Variants in DCXR observed in about 807,000 individuals in gnomAD.
The protein encoded by DCXR is L-xylulose reductase.
A neutral mutation model predicts 25.9 loss-of-function variants in DCXR; 24 were observed. That is an observed-to-expected ratio of 0.93 (90% CI 0.67 to 1.30). The LOEUF is 1.30. DCXR is among the 50% of genes most tolerant of loss of function. The pLI is 0.00. For synonymous variants in DCXR, 161 were observed against 141.7 expected, an observed-to-expected ratio of 1.14 and a Z score of -0.97; for missense variants, 348 against 333.7, an observed-to-expected ratio of 1.04 and a Z score of -0.33.
In DCXR at chr17:82,036,028, G is replaced by T; in HGVS notation, c.667C>A (p.Leu223Met). 6.2e-7 allele frequency: 1 copy of T among 1,613,380 alleles called. No individual in the cohort carries two copies. ...GTGGTCATGCCACTTCGGTCACTCAGCAGAAAGAGGATGGCGTTCACCACG... is the reference window on the plus strand; with the variant it reads ...GTGGTCATGCCACTTCGGTCACTCATCAGAAAGAGGATGGCGTTCACCACG... ...EHVVNAILFLLSDRSGMTTGS... is the reference protein window; with the variant it reads ...EHVVNAILFLMSDRSGMTTGS... Residue 223 changes from leucine to methionine, a missense_variant, in exon 8 of 8, where the codon CTG (leucine) becomes ATG (methionine). Physicochemically the swap from Leu to Met is conservative, Grantham distance 15. Coordinates refer to ENST00000306869, the MANE Select transcript of DCXR (RefSeq NM_016286.4).
intron 2 of DCXR, 171 bp from the exon 3 acceptor site, chr17:82,037,184 C>A: frequency 1.1e-6 from 1 of 923,020 alleles, no homozygotes; most frequent in Non-Finnish European, 1.6e-6. Context: ...TCACTTCCTC[C>A]CTGCGCCCGA....
intron 2 of DCXR, 37 bp from the exon 3 acceptor site, chr17:82,037,050 G>T: frequency 6.5e-7 from 1 of 1,548,910 alleles, no homozygotes; most frequent in South Asian, 1.2e-5. Flanking sequence ...GAGGCTCTGT[G>T]CCCAGCAAGC....
rs1427083983 is a variant in DCXR at position 82,036,429 on chromosome 17, C to T, written c.468G>A (p.Leu156=). 16 of 1,613,506 alleles carry T rather than the reference C, an allele frequency of 9.9e-6. No homozygotes were observed. The South Asian group carries it at 1.8e-4, about 18-fold the overall frequency. Residue 156 remains leucine (L), a synonymous_variant, in exon 6 of 8, where the codon CTG becomes CTA. Coordinates refer to ENST00000306869, the MANE Select transcript of DCXR (RefSeq NM_016286.4). ...GGGCCATCACCTTGGTCAGCATGTC[C>T]AGGGCACCCTTGGTGGAGCCTACGA... The part of the protein sequence containing the change: ...HSVYCSTKGA[L]DMLTKVMALE...
intron 2 of DCXR, 130 bp downstream of exon 2, chr17:82,037,320 C>A (rs1177995441): frequency 1.8e-6 from 2 of 1,089,896 alleles, no homozygotes; most frequent in East Asian, 3.0e-5. Flanking sequence ...GGTGCGCGGG[C>A]GCCCAGGCCG....
At position 82,036,236 on chromosome 17, in the gene DCXR, T is replaced by C; in HGVS notation, c.586A>G (p.Lys196Glu). 1 of 1,613,578 alleles carries C rather than the reference T, an allele frequency of 6.2e-7. No homozygotes were observed. The highest frequency in any genetic ancestry group is 1.1e-5 in the South Asian group (1 of 91,078). Residue 196 changes from lysine to glutamate, a missense_variant, in exon 7 of 8, where the codon AAG (lysine) becomes GAG (glutamate). By Grantham distance (56) the Lys-to-Glu change is moderately conservative. Transcript: ENST00000306869. ...ATTCGGTTCAGCATAGTCTTGGCCT[T>C]GTGGGGGTCACTCCAGGTGGCCTGG... Reference protein sequence around the residue: ...MGQATWSDPHKAKTMLNRIPL... With the variant: ...MGQATWSDPHEAKTMLNRIPL...
chr17:82,037,524 C>A lies in DCXR; in HGVS notation c.76G>T (p.Ala26Ser). 6.5e-7 allele frequency: 1 copy of A among 1,545,272 alleles called. No individual in the cohort carries two copies. The highest frequency in any genetic ancestry group is 8.7e-7 in the Non-Finnish European group (1 of 1,152,052). Residue 26 changes from alanine (A) to serine (S), a missense_variant, in exon 2 of 8, where the codon GCG becomes TCG. By Grantham distance (99) the Ala-to-Ser change is moderately conservative. Coordinates refer to ENST00000306869, the MANE Select transcript of DCXR (RefSeq NM_016286.4). ...ACCCGCGCGCCCGTCGCGTGCAGCG[C>A]CTGGACCGTGCCGCGCCCTATACCT... ...GKGIGRGTVQ[A>S]LHATGARVVA...
In DCXR at chr17:82,037,688, C is replaced by T. The variant is rs770622305; in HGVS notation, c.-6G>A. ...CCCGCGAGGAACAGCTCCATGTCGG[C>T]GCAGTCTCCGCCCTCCGCACTGGGG... On this transcript the variant is annotated 5_prime_UTR_variant, in exon 1 of 8. Transcript: ENST00000306869. 6.3e-7 allele frequency: 1 copy of T among 1,587,804 alleles called. No individual in the cohort carries two copies. The highest frequency in any genetic ancestry group is 1.7e-4 in the Middle Eastern group (1 of 5,966).
At chr17:82,037,362 C>A in intron 2 of DCXR, 88 bp downstream of exon 2, 1 of 1,331,044 alleles carries the variant, frequency 7.5e-7, no homozygotes, top group Non-Finnish European at 1.0e-6. Flanking sequence ...CGAGGGGAGG[C>A]GGAGTCGCGC....
chr17:82,036,862 TCA>T lies in DCXR; in HGVS notation c.300_301del (p.Phe100LeufsTer5). On this transcript the variant is annotated frameshift_variant, in exon 3 of 8. Coordinates refer to ENST00000306869, the MANE Select transcript of DCXR (RefSeq NM_016286.4). LOFTEE classifies it high-confidence loss of function. ...TCCTCCGCCCTCACAGGCTCACCTGTCAAAGGCCTCCTTGGTGACCTCCAGGA... is the reference window on the plus strand; with the variant it reads ...TCCTCCGCCCTCACAGGCTCACCTGTAAGGCCTCCTTGGTGACCTCCAGGA... 6.2e-7 allele frequency: 1 copy of T among 1,613,212 alleles called. No homozygotes were observed. The highest frequency in any genetic ancestry group is 1.3e-5 in the African/African-American group (1 of 75,010).
intron 2 of DCXR, 195 bp from the exon 3 acceptor site, chr17:82,037,208 G>A (rs2043502640): frequency 2.3e-6 from 2 of 858,780 alleles, no homozygotes. Flanking sequence ...ACTCCTGCCC[G>A]GGGCCTGCTT....
chr17:82,036,125 C>T (rs761487390), intron 7 of DCXR, 62 bp from the exon 8 acceptor site: 8 of 1,606,262 alleles, frequency 5.0e-6, no homozygotes, highest in Non-Finnish European at 3.4e-6. Flanking sequence ...CTTTCCCTCC[C>T]ACCCCTACCC....
In DCXR at chr17:82,036,704, C is replaced by T; in HGVS notation, c.348+17G>A. On this transcript the variant is annotated intron_variant, in intron 4 of 7. Coordinates refer to ENST00000306869, the MANE Select transcript of DCXR (RefSeq NM_016286.4). The stretch of plus-strand genomic sequence containing the variant: ...ATCACTCACGAGAATTCCCGTCCAG[C>T]CCACAGGGCAGCTCACCTGCGACAC... 1 of 1,613,652 alleles carries T rather than the reference C, an allele frequency of 6.2e-7. No homozygotes were observed. The highest frequency in any genetic ancestry group is 2.2e-5 in the East Asian group (1 of 44,894).
chr17:82,035,873 A>C lies in DCXR; in HGVS notation c.*87T>G, dbSNP rs549839866. On this transcript the variant is annotated 3_prime_UTR_variant, in exon 8 of 8. Transcript: ENST00000306869. ...TACCTGCTGGCAGCCTAGGAATAGC[A>C]CATAGTCTGGGCAGCAGAATCAGGT... 1.6e-6 allele frequency: 2 copies of C among 1,235,614 alleles called. No individual in the cohort carries two copies. Among genetic ancestry groups the C allele is most frequent in the Non-Finnish European group, 2.3e-6 (2 of 855,466 alleles). 76.5% of individuals were successfully genotyped at this position (1,235,614 alleles called of 1,614,324 possible).
rs2043487471 is a variant in DCXR, at chr17:82,036,058, C to A, written c.637G>T (p.Glu213Ter). ...RIPLGKFAEV[E>*]HVVNAILFLL... Reference sequence around the variant, plus strand: ...AAGAGGATGGCGTTCACCACGTGCTCTACCTCTGTGGGCAGGGCGGGGGTC... The same window carrying A: ...AAGAGGATGGCGTTCACCACGTGCTATACCTCTGTGGGCAGGGCGGGGGTC... The change falls in exon 8 of 8, where the codon GAG becomes TAG. Residue 213 changes from glutamate (E) to a stop codon, truncating the protein, a stop_gained. Coordinates refer to ENST00000306869, the MANE Select transcript of DCXR (RefSeq NM_016286.4). LOFTEE classifies it high-confidence loss of function. 6.2e-7 allele frequency: 1 copy of A among 1,613,326 alleles called. No homozygotes were observed. Among genetic ancestry groups the A allele is most frequent in the Non-Finnish European group, 8.5e-7 (1 of 1,180,004 alleles).
chr17:82,036,619 G>A lies in DCXR; in HGVS notation c.373C>T (p.Arg125Trp), dbSNP rs1203368401. ...SQIVARGLIARGVPGAIVNVS... is the reference protein window; with the variant it reads ...SQIVARGLIAWGVPGAIVNVS... Reference sequence around the variant, plus strand: ...TTCACGATGGCCCCTGGGACTCCCCGGGCTATTAAGCCCCTGGCCACAATC... The same window carrying A: ...TTCACGATGGCCCCTGGGACTCCCCAGGCTATTAAGCCCCTGGCCACAATC... The change falls in exon 5 of 8, where the codon CGG (arginine) becomes TGG (tryptophan). Residue 125 changes from arginine (R) to tryptophan (W), a missense_variant. Coordinates refer to ENST00000306869, the MANE Select transcript of DCXR (RefSeq NM_016286.4). 12 of 1,613,078 alleles carry A rather than the reference G, an allele frequency of 7.4e-6. No homozygotes were observed. Among genetic ancestry groups the A allele is most frequent in the South Asian group, 6.6e-5 (6 of 91,086 alleles).
chr17:82,035,874 CAT>C lies in DCXR; in HGVS notation c.*84_*85del, dbSNP rs2043484835. 1 of 1,254,148 alleles carries C rather than the reference CAT, an allele frequency of 8.0e-7. No homozygotes were observed. Among genetic ancestry groups the C allele is most frequent in the Non-Finnish European group, 1.1e-6 (1 of 872,084 alleles). The allele number at this position is 1,254,148 out of a possible 1,614,324, so 77.7% of individuals were successfully genotyped here. Reference sequence around the variant, plus strand: ...ACCTGCTGGCAGCCTAGGAATAGCACATAGTCTGGGCAGCAGAATCAGGTTTA... The same window carrying C: ...ACCTGCTGGCAGCCTAGGAATAGCACAGTCTGGGCAGCAGAATCAGGTTTA... On this transcript the variant is annotated 3_prime_UTR_variant, in exon 8 of 8. Transcript: ENST00000306869.
intron 2 of DCXR, 186 bp downstream of exon 2, chr17:82,037,264 C>T (rs2043503414): frequency 9.0e-6 from 8 of 888,716 alleles, no homozygotes; most frequent in Admixed American, 6.1e-5. Flanking sequence ...CCCGGCGGCT[C>T]TGCCGACCAC....
rs1205746135 is a variant in DCXR, at chr17:82,037,557, G to A, written c.53-10C>T. On this transcript the variant is annotated splice_polypyrimidine_tract_variant and intron_variant, in intron 1 of 7. Transcript: ENST00000306869. ...GTGCCGCGCCCTATACCTGCCGGGA[G>A]CGGGCTCAGTGAAGGCGTCCCCTGC... 1 of 1,544,224 alleles carries A rather than the reference G, an allele frequency of 6.5e-7. No homozygotes were observed. The highest frequency in any genetic ancestry group is 1.9e-5 in the Admixed American group (1 of 52,450).
At position 82,036,318 on chromosome 17, in the gene DCXR, G is replaced by A; in HGVS notation, c.514-10C>T. The A allele has an allele frequency of 6.2e-7, 1 of 1,613,438 alleles. No homozygotes were observed. The highest frequency in any genetic ancestry group is 8.5e-7 in the Non-Finnish European group (1 of 1,180,002). On this transcript the variant is annotated splice_polypyrimidine_tract_variant and intron_variant, in intron 6 of 7. Transcript: ENST00000306869. ...CTGCATTCACTCGGATCTACACCGGGACAGCTGGGGTCAGCAGGGCAAGTG... is the reference window on the plus strand; with the variant it reads ...CTGCATTCACTCGGATCTACACCGGAACAGCTGGGGTCAGCAGGGCAAGTG...
Sources: allele counts gnomAD v4.1 joint callset, GRCh38; gene constraint gnomAD v4.1.1; transcripts MANE v1.5; gene names NCBI Gene and HGNC (gene_info 2026-07-23, HGNC 2026-07-21).